Variants in HM13 observed in about 807,000 individuals in gnomAD.
HM13 encodes the protein signal peptide peptidase.
In HM13, 18 loss-of-function variants were observed where a neutral mutation model predicts 50.0. That is an observed-to-expected ratio of 0.36 (90% CI 0.25 to 0.53). HM13 has a LOEUF of 0.53. HM13 is among the 20% of genes least tolerant of loss of function. The pLI, the probability that HM13 is intolerant of heterozygous loss-of-function variation, is 0.90. For synonymous variants in HM13, 197 were observed against 232.6 expected, an observed-to-expected ratio of 0.85 and a Z score of 1.39; for missense variants, 393 against 552.4, an observed-to-expected ratio of 0.71 and a Z score of 2.89.
intron 7 of HM13, among the ~76,000 whole-genome samples, chr20:31,554,240 C>T (rs114181352): frequency 0.011 from 1,704 of 151,942 alleles, 29 homozygotes; most frequent in African/African-American, 0.04. Context: ...ATGGGGCGGG[C>T]GTCTAAAATC....
chr20:31,554,886 C>A, intron 8 of HM13, 57 bp downstream of exon 8: 2 of 1,349,866 alleles, frequency 1.5e-6, no homozygotes, highest in Non-Finnish European at 2.1e-6. Flanking sequence ...TTCCCCGGAG[C>A]AAGGGGATTA....
At chr20:31,517,795 C>T (rs1325034308) in intron 1 of HM13, among the ~76,000 whole-genome samples, 1 of 123,012 alleles carries the variant, frequency 8.1e-6, no homozygotes, top group African/African-American at 5.4e-5. Context: ...AGCGGTTAAT[C>T]GTATTGTTAC....
intron 10 of HM13, chr20:31,562,538 A>C (rs926042439): frequency 4.6e-5 from 7 of 152,202 alleles, no homozygotes; most frequent in African/African-American, 9.7e-5. Context: ...AGCATTGAAC[A>C]GGGGCTAAGG....
In HM13 at chr20:31,550,307, G is replaced by A. The variant is rs139299189; in HGVS notation, c.724+186G>A. 3.9e-4 allele frequency: 228 copies of A among 592,014 alleles called. 1 individual carries two copies. Among genetic ancestry groups the A allele is most frequent in the Non-Finnish European group, 4.8e-4 (158 of 327,608 alleles). 36.7% of individuals were successfully genotyped at this position (592,014 alleles called of 1,614,324 possible). A position where few individuals can be genotyped will look rare whatever the true frequency, so the allele number is the denominator to read the frequency against. ...GCTGTGTTCATCCTGCCCAGGTCCC[G>A]GCCCCTGGCCACTTGGTCGTGGTGC... On this transcript the variant is annotated intron_variant, in intron 7 of 12. Transcript: ENST00000398174.
intron 2 of HM13, among the ~76,000 whole-genome samples, chr20:31,534,824 G>A (rs551302991): frequency 6.6e-6 from 1 of 152,206 alleles, no homozygotes; most frequent in South Asian, 2.1e-4. Flanking sequence ...AGTGGCTCAC[G>A]CCTGTAATCC....
At chr20:31,543,238 G>A (rs1339619259) in intron 3 of HM13, among the ~76,000 whole-genome samples, 1 of 152,196 alleles carries the variant, frequency 6.6e-6, no homozygotes, top group Non-Finnish European at 1.5e-5. Context: ...TACAGGCTAG[G>A]AGGGATCGGC....
chr20:31,555,521 A>G lies in HM13; in HGVS notation c.808+692A>G, dbSNP rs569589562. 2.5e-3 allele frequency among the ~76,000 whole-genome samples: 380 copies of G among 152,184 alleles called. 3 individuals carry two copies. The highest frequency in any genetic ancestry group is 8.8e-3 in the African/African-American group (364 of 41,528). On this transcript the variant is annotated intron_variant, in intron 8 of 12. Transcript: ENST00000398174. ...CTTTGGGGCAGGAGCAGCTCAAACT[A>G]CCAGTCAGGAAAGAGACTAAGGGCA... is the stretch of plus-strand genomic sequence containing the variant.
In HM13 at chr20:31,569,102, T is replaced by A; in HGVS notation, c.1182-18T>A. On this transcript the variant is annotated intron_variant, in intron 12 of 12. Transcript: ENST00000398174. ...CCTCTAAATGAATTTTTATTGTTGT[T>A]TTTTTTTTTTTGGTCAGTTATGAGG... is the stretch of plus-strand genomic sequence containing the variant. 1.5e-6 allele frequency: 2 copies of A among 1,348,846 alleles called. No individual in the cohort carries two copies. The highest frequency in any genetic ancestry group is 2.0e-6 in the Non-Finnish European group (2 of 1,007,680). 83.6% of individuals were successfully genotyped at this position (1,348,846 alleles called of 1,614,324 possible). A position where few individuals can be genotyped will look rare whatever the true frequency, so the allele number is the denominator to read the frequency against.
intron 1 of HM13, among the ~76,000 whole-genome samples, chr20:31,521,361 A>G (rs934400868): frequency 3.3e-5 from 5 of 152,170 alleles, no homozygotes; most frequent in Non-Finnish European, 5.9e-5. Flanking sequence ...GCCACTCACC[A>G]GCTGTGTGAC....
intron 9 of HM13, 81 bp from the exon 10 acceptor site, chr20:31,561,552 TC>T (rs1984613904): frequency 2.0e-6 from 2 of 977,572 alleles, no homozygotes; most frequent in African/African-American, 1.6e-5. Flanking sequence ...TCTAGGGTCT[TC>T]CCCAGCTCCC....
At position 31,529,113 on chromosome 20, in the gene HM13, C is replaced by CT. The variant is rs752494429; in HGVS notation, c.282+1532dup. Among the ~76,000 whole-genome samples the CT allele has an allele frequency of 5.3e-4, 81 of 152,204 alleles. No homozygotes were observed. In the Middle Eastern group the frequency reaches 0.017, roughly 32 times the overall value. ...TTCCTGGACTCAAGTGGAAAACCGA[C>CT]TGATTTTGTTTTATTGTATTTTATT... is the stretch of plus-strand genomic sequence containing the variant. On this transcript the variant is annotated intron_variant, in intron 2 of 12. Transcript: ENST00000398174.
chr20:31,545,601 C>CA lies in HM13; in HGVS notation c.454+573dup, dbSNP rs551084085. ...GCAACATAGTGAGACCTCATCTCTA[C>CA]AAAAAAATTGTAAAAAAATGCAAAC... On this transcript the variant is annotated intron_variant, in intron 4 of 12. Transcript: ENST00000398174. Among the ~76,000 whole-genome samples the CA allele has an allele frequency of 4.8e-3, 738 of 152,172 alleles. 7 individuals are homozygous for CA. The highest frequency in any genetic ancestry group is 0.017 in the African/African-American group (698 of 41,522).
At chr20:31,549,441 G>C in intron 6 of HM13, 109 bp downstream of exon 6, 2 of 1,458,002 alleles carry the variant, frequency 1.4e-6, no homozygotes, top group Non-Finnish European at 1.9e-6. Flanking sequence ...AGCTGTTTTG[G>C]GCTGAAGTTC....
intron 7 of HM13, among the ~76,000 whole-genome samples, chr20:31,553,580 G>A (rs949578584): frequency 6.6e-5 from 10 of 152,198 alleles, no homozygotes; most frequent in Middle Eastern, 3.4e-3. Context: ...GCAGAGCACA[G>A]AACTAGGATT....
chr20:31,562,274 T>C (rs6060002), intron 10 of HM13: 48,557 of 163,104 alleles, frequency 0.3, 12,306 homozygotes, highest in African/African-American at 0.71. Flanking sequence ...GAGCCCTCAG[T>C]GTGGCCTGGA....
intron 4 of HM13, 54 bp from the exon 5 acceptor site, chr20:31,548,975 G>A (rs1309710976): frequency 1.4e-6 from 2 of 1,477,648 alleles, no homozygotes; most frequent in Non-Finnish European, 1.9e-6. Flanking sequence ...GGGCTGACAG[G>A]TGGGAGGGGT....
intron 7 of HM13, among the ~76,000 whole-genome samples, chr20:31,553,099 C>T (rs1405392944): frequency 6.6e-6 from 1 of 152,032 alleles, no homozygotes; most frequent in Non-Finnish European, 1.5e-5. Context: ...AATTCGAGAC[C>T]AGCCTGACCA....
intron 9 of HM13, 75 bp from the exon 10 acceptor site, chr20:31,561,559 C>A: frequency 9.7e-7 from 1 of 1,029,380 alleles, no homozygotes; most frequent in Non-Finnish European, 1.5e-6. Flanking sequence ...TCTTCCCCAG[C>A]TCCCTCAGAA....
chr20:31,561,810 AAAT>A (rs1984633048), intron 10 of HM13, 74 bp downstream of exon 10: 1 of 1,048,986 alleles, frequency 9.5e-7, no homozygotes, highest in East Asian at 2.4e-5. Context: ...ATTTATTTGT[AAAT>A]GCAAGCAGTC....
Sources: gnomAD v4.1 joint callset for allele counts (sites outside exome capture counted in the v4.1 genomes callset) on GRCh38, gnomAD v4.1.1 for gene constraint, MANE v1.5 for transcripts, NCBI Gene and HGNC (gene_info 2026-07-23, HGNC 2026-07-21) for gene names.